Variants in TTLL8 observed in about 807,000 individuals in gnomAD.
The protein encoded by TTLL8 is protein monoglycylase TTLL8.
TTLL8 carries 65 observed loss-of-function variants against 77.8 expected under a neutral mutation model. The ratio of observed to expected loss-of-function variants is 0.84; its 90% CI spans 0.68 to 1.03. The LOEUF is 1.03. TTLL8 is among the 50% of genes least tolerant of loss of function. The pLI, the probability that TTLL8 is intolerant of heterozygous loss-of-function variation, is 0.00. For missense variants in TTLL8, 910 were observed against 1,004.5 expected, an observed-to-expected ratio of 0.91 and a Z score of 1.27; for synonymous variants, 402 against 422.8, an observed-to-expected ratio of 0.95 and a Z score of 0.60.
intron 12 of TTLL8, among the ~76,000 whole-genome samples, chr22:50,025,631 C>A (rs1034800464): frequency 6.6e-6 from 1 of 152,068 alleles, no homozygotes; most frequent in Non-Finnish European, 1.5e-5. Context: ...CAGAGTGAGA[C>A]CTTGTCTCAA....
At chr22:50,043,244 T>C (rs5771316) in intron 6 of TTLL8, among the ~76,000 whole-genome samples, 61,400 of 141,164 alleles carry the variant, frequency 0.43, 13,474 homozygotes, top group Non-Finnish European at 0.48. Flanking sequence ...GATGGATAGA[T>C]AGATAAACAG....
intron 10 of TTLL8, among the ~76,000 whole-genome samples, chr22:50,032,922 C>G (rs1396681014): frequency 6.6e-6 from 1 of 152,240 alleles, no homozygotes; most frequent in Non-Finnish European, 1.5e-5. Context: ...CCATTCCAAT[C>G]CCCCTGGGCA....
chr22:50,035,559 C>T (rs61152841), intron 8 of TTLL8, among the ~76,000 whole-genome samples: 4,980 of 152,270 alleles, frequency 0.033, 225 homozygotes, highest in African/African-American at 0.11. Context: ...CCGTGGTGAG[C>T]GCCGAGCACT....
intron 1 of TTLL8, among the ~76,000 whole-genome samples, chr22:50,050,807 C>G (rs1041125623): frequency 6.6e-6 from 1 of 152,220 alleles, no homozygotes; most frequent in African/African-American, 2.4e-5. Context: ...AGCCCCCAGT[C>G]ACGTTTCCCA....
rs1322546377 is a variant in TTLL8 at position 50,034,151 on chromosome 22, C to T, written c.1039+194G>A. The T allele has an allele frequency of 2.0e-5, 7 of 343,552 alleles. No homozygotes were observed. The highest frequency in any genetic ancestry group is 2.5e-5 in the Non-Finnish European group (6 of 243,480). The allele number at this position is 343,552 out of a possible 1,614,324, so 21.3% of individuals were successfully genotyped here. A position where few individuals can be genotyped will look rare whatever the true frequency, so the allele number is the denominator to read the frequency against. On this transcript the variant is annotated intron_variant, in intron 9 of 13. Coordinates refer to ENST00000266182, the Ensembl canonical transcript of TTLL8. The surrounding 1 kb of genome is among the most constrained non-coding windows in gnomAD (Gnocchi z 4.1). ...ATCAACCCGGATCCTGCCCTGTGAT[C>T]GGAACACATGCTGTGAAGACGCCTC...
chr22:50,030,621 G>A (rs1319259277), exon 12 of TTLL8: 30 of 1,294,204 alleles, frequency 2.3e-5, no homozygotes, highest in Non-Finnish European at 2.9e-5. Flanking sequence ...CTTCCCAGCA[G>A]CTTTGGTGCG....
intron 3 of TTLL8, 25 bp from the exon 6 acceptor site, chr22:50,047,321 A>T (rs1006328138): frequency 7.3e-7 from 1 of 1,366,172 alleles, no homozygotes; most frequent in Non-Finnish European, 9.8e-7. Context: ...GTCTTTATTG[A>T]TGCCCAGCAT....
chr22:50,056,045 C>T (rs927036801), upstream of TTLL8, among the ~76,000 whole-genome samples: 17 of 152,078 alleles, frequency 1.1e-4, no homozygotes, highest in Non-Finnish European at 2.2e-4. The surrounding 1 kb of genome is among the most constrained non-coding windows in gnomAD (Gnocchi z 4.1). Flanking sequence ...GAGTGACCTC[C>T]GGTCGTCCTC....
At chr22:50,030,195 C>G in intron 12 of TTLL8, 1 of 985,432 alleles carries the variant, frequency 1.0e-6, no homozygotes, top group Non-Finnish European at 1.2e-6. Flanking sequence ...ACCCCACCAT[C>G]CACCTGGCCG....
At position 50,050,093 on chromosome 22, in the gene TTLL8, G is replaced by T. The variant is rs376492741; in HGVS notation, c.190+16C>A. ...GCACACGCCCTGAGCTGAGACGTGCGCCTCCGATACGCTACCATTGACCCG... is the reference window on the plus strand; with the variant it reads ...GCACACGCCCTGAGCTGAGACGTGCTCCTCCGATACGCTACCATTGACCCG... On this transcript the variant is annotated intron_variant, in intron 2 of 13. Coordinates refer to ENST00000266182, the Ensembl canonical transcript of TTLL8. 1 of 1,365,182 alleles carries T rather than the reference G, an allele frequency of 7.3e-7. No homozygotes were observed. The highest frequency in any genetic ancestry group is 9.8e-7 in the Non-Finnish European group (1 of 1,021,360). 84.6% of individuals were successfully genotyped at this position (1,365,182 alleles called of 1,614,324 possible). A position where few individuals can be genotyped will look rare whatever the true frequency, so the allele number is the denominator to read the frequency against.
chr22:50,055,126 C>T, upstream of TTLL8: 1 of 1,193,544 alleles, frequency 8.4e-7, no homozygotes, highest in Non-Finnish European at 1.1e-6. Flanking sequence ...GAGGCTGCAG[C>T]TCGGGGGCAC....
Position 50,026,518 on chromosome 22 carries a change from C to T in TTLL8, c.2203+3912G>A, listed in dbSNP as rs2061230386. ...AAATACACCCGCCATTCTGCACCGC[C>T]GCCACCTCAGAGCGGAGGGTCAGAC... On this transcript the variant is annotated intron_variant, in intron 12 of 13. Transcript: ENST00000266182. Among the ~76,000 whole-genome samples, 3 of 152,088 alleles carry T rather than the reference C, an allele frequency of 2.0e-5. No homozygotes were observed. The South Asian group carries it at 6.2e-4, about 31-fold the overall frequency.
At chr22:50,045,563 T>C (rs1032833495) in intron 5 of TTLL8, among the ~76,000 whole-genome samples, 174 bp from the exon 8 acceptor site, 4 of 151,934 alleles carry the variant, frequency 2.6e-5, no homozygotes, top group African/African-American at 9.7e-5. Flanking sequence ...GCAGTGTCTC[T>C]GTGACTGCGG....
intron 6 of TTLL8, among the ~76,000 whole-genome samples, chr22:50,042,179 G>A (rs1320529597): frequency 6.6e-6 from 1 of 152,180 alleles, no homozygotes; most frequent in Non-Finnish European, 1.5e-5. Context: ...CTTCTGCTCT[G>A]TAAAGAACAA....
chr22:50,033,427 C>T (rs761117171), exon 10 of TTLL8: 14 of 1,364,214 alleles, frequency 1.0e-5, no homozygotes, highest in African/African-American at 1.5e-5. Context: ...CTCCTCCACA[C>T]GGTCCATGCA....
intron 12 of TTLL8, among the ~76,000 whole-genome samples, chr22:50,019,717 T>C (rs1209858785): frequency 6.6e-6 from 1 of 152,182 alleles, no homozygotes; most frequent in South Asian, 2.1e-4. Context: ...AGCAGCACCA[T>C]GCCGAGGAGC....
chr22:50,041,521 C>CA lies in TTLL8; in HGVS notation c.830+99dup. The CA allele has an allele frequency of 1.6e-6, 2 of 1,225,538 alleles. No homozygotes were observed. Among genetic ancestry groups the CA allele is most frequent in the South Asian group, 3.0e-5 (2 of 67,394 alleles). The allele number at this position is 1,225,538 out of a possible 1,614,324, so 75.9% of individuals were successfully genotyped here. A position where few individuals can be genotyped will look rare whatever the true frequency, so the allele number is the denominator to read the frequency against. On this transcript the variant is annotated intron_variant, in intron 7 of 13. Transcript: ENST00000266182. The surrounding 1 kb of genome is among the most constrained non-coding windows in gnomAD (Gnocchi z 4.3). Reference sequence around the variant, plus strand: ...AATACCCCACAGGTAGCCTAATGCCCAGACAGGTGACCCAGTTCCCAGAGG... The same window carrying CA: ...AATACCCCACAGGTAGCCTAATGCCCAAGACAGGTGACCCAGTTCCCAGAGG...
intron 3 of TTLL8, among the ~76,000 whole-genome samples, 156 bp from the exon 6 acceptor site, chr22:50,047,452 T>C (rs1462777710): frequency 6.6e-6 from 1 of 152,188 alleles, no homozygotes; most frequent in Non-Finnish European, 1.5e-5. Context: ...GTGGGCCTCC[T>C]GCACATGGGA....
At chr22:50,024,735 CTGTGT>C (rs2061222168) in intron 12 of TTLL8, among the ~76,000 whole-genome samples, 1 of 152,228 alleles carries the variant, frequency 6.6e-6, no homozygotes, top group Non-Finnish European at 1.5e-5. Context: ...CATAAATGAT[CTGTGT>C]TGTTTCACAA....
Sources: allele counts gnomAD v4.1 joint callset (sites outside exome capture counted in the v4.1 genomes callset), GRCh38; gene constraint gnomAD v4.1.1; non-coding constraint Gnocchi (gnomAD v3.1); transcripts MANE v1.5; gene names NCBI Gene and HGNC (gene_info 2026-07-23, HGNC 2026-07-21).